The following MMP2 variants were observed in gnomAD, a reference collection of about 807,000 sequenced individuals.
The protein encoded by MMP2 is 72 kDa type IV collagenase.
In MMP2, 39 loss-of-function variants were observed where a neutral mutation model predicts 74.8. The observed-to-expected ratio is 0.52, with a 90% CI of 0.40 to 0.68. The LOEUF (loss-of-function observed/expected upper bound fraction) is 0.68, where lower values mean the gene tolerates loss of function less well. Among genes scored for constraint, MMP2 ranks in the 30% least tolerant of loss-of-function variants. The pLI is 0.00. For missense variants in MMP2, 803 were observed against 878.3 expected (o/e 0.91, Z 1.08); for synonymous variants, 367 against 339.8 (o/e 1.08, Z -0.88).
At position 55,498,204 on chromosome 16, in the gene MMP2, G is replaced by T. The variant is rs1311607277; in HGVS notation, c.1610-85G>T. ...CTCTGTTGGGAATGGCTGCAGTGGG[G>T]CCCGTGGACAGACAGATGATGGGAG... On this transcript the variant is annotated intron_variant, in intron 10 of 12. Transcript: ENST00000219070. 7 of 1,558,834 alleles carry T rather than the reference G, an allele frequency of 4.5e-6. No homozygotes were observed. In the East Asian group the frequency reaches 1.6e-4, roughly 35 times the overall value.
chr16:55,492,671 T>G (rs1226482621), intron 8 of MMP2, among the ~76,000 whole-genome samples: 1 of 152,104 alleles, frequency 6.6e-6, no homozygotes, highest in African/African-American at 2.4e-5. Context: ...GCCTCTGCCC[T>G]TCACTAGCTG....
In MMP2 at chr16:55,488,643, G is replaced by A. The variant is rs776717466; in HGVS notation, c.933G>A (p.Thr311=). 2.4e-5 allele frequency: 38 copies of A among 1,613,708 alleles called. No individual in the cohort carries two copies. Among genetic ancestry groups the A allele is most frequent in the South Asian group, 1.8e-4 (16 of 90,994 alleles). ...SYDSCTTEGR[T]DGYRWCGTTE... ...ACAGCTGCACCACTGAGGGCCGCAC[G>A]GATGGCTACCGCTGGTGCGGCACCA... The change falls in exon 6 of 13, where the codon ACG becomes ACA. Residue 311 remains threonine (T), a synonymous_variant. Coordinates refer to ENST00000219070, the MANE Select transcript of MMP2 (RefSeq NM_004530.6).
rs1380487733 is a variant in MMP2 at position 55,479,599 on chromosome 16, T to C, written c.120T>C (p.Asp40=). Residue 40 remains aspartate (D), a synonymous_variant, in exon 1 of 13, where the codon GAT becomes GAC. Transcript: ENST00000219070. ...CGCCCATCATCAAGTTCCCCGGCGA[T>C]GTCGCCCCCAAAACGGACAAAGAGT... is the stretch of plus-strand genomic sequence containing the variant. ...APSPIIKFPG[D]VAPKTDKELA... 1 of 1,613,628 alleles carries C rather than the reference T, an allele frequency of 6.2e-7. No homozygotes were observed. Among genetic ancestry groups the C allele is most frequent in the Non-Finnish European group, 8.5e-7 (1 of 1,179,996 alleles).
At chr16:55,495,787 A>G (rs2142364313) in intron 9 of MMP2, among the ~76,000 whole-genome samples, 1 of 152,288 alleles carries the variant, frequency 6.6e-6, no homozygotes. Flanking sequence ...AGGGTCAGTG[A>G]CTTGATGTCT....
chr16:55,479,498 C>G lies in MMP2; in HGVS notation c.19C>G (p.Arg7Gly). The change falls in exon 1 of 13, where the codon CGG becomes GGG. Residue 7 changes from arginine (R) to glycine (G), a missense_variant. By Grantham distance (125) the Arg-to-Gly change is moderately radical. Transcript: ENST00000219070. ...CGCTACGATGGAGGCGCTAATGGCC[C>G]GGGGCGCGCTCACGGGTCCCCTGAG... The part of the protein sequence containing the change: MEALMA[R>G]GALTGPLRAL... 6.3e-7 allele frequency: 1 copy of G among 1,588,886 alleles called. No individual in the cohort carries two copies. The highest frequency in any genetic ancestry group is 8.6e-7 in the Non-Finnish European group (1 of 1,168,168).
intron 9 of MMP2, among the ~76,000 whole-genome samples, chr16:55,494,508 C>A (rs1484790505): frequency 3.3e-5 from 5 of 152,094 alleles, no homozygotes; most frequent in African/African-American, 9.7e-5. Context: ...GTTCTCGGGA[C>A]AGTGGGGTGG....
intron 12 of MMP2, among the ~76,000 whole-genome samples, chr16:55,503,226 T>C (rs1321967918): frequency 6.6e-6 from 1 of 152,204 alleles, no homozygotes; most frequent in Non-Finnish European, 1.5e-5. Context: ...CATTTGCGTT[T>C]TGCAGGAGGC....
rs760625271 is a variant in MMP2, at chr16:55,498,378, C to A, written c.1699C>A (p.Arg567=). The A allele has an allele frequency of 3.1e-6, 5 of 1,614,116 alleles. No homozygotes were observed. The African/African-American group carries it at 6.7e-5, about 22-fold the overall frequency. Reference sequence around the variant, plus strand: ...CCTGGGACTGCCCCCTGATGTCCAGCGAGTGGATGCCGCCTTTAACTGGAG... The same window carrying A: ...CCTGGGACTGCCCCCTGATGTCCAGAGAGTGGATGCCGCCTTTAACTGGAG... ...TSLGLPPDVQ[R]VDAAFNWSKN... is the part of the protein sequence containing the mutation. Residue 567 remains arginine (R), a synonymous_variant, in exon 11 of 13, where the codon CGA becomes AGA. Transcript: ENST00000219070.
chr16:55,486,350 T>TGTGCGC (rs1567375082), intron 5 of MMP2, among the ~76,000 whole-genome samples: 1 of 55,090 alleles, frequency 1.8e-5, no homozygotes, highest in African/African-American at 6.1e-5. Flanking sequence ...TGTGTGCCTG[T>TGTGCGC]GTGTGTGTGT....
At chr16:55,480,940 T>C (rs1418830707) in intron 1 of MMP2, among the ~76,000 whole-genome samples, 6 of 152,088 alleles carry the variant, frequency 3.9e-5, no homozygotes, top group African/African-American at 9.7e-5. Context: ...AGAGTGGAGC[T>C]TTGGGACAAT....
chr16:55,504,898 C>T (rs979624516), intron 12 of MMP2, among the ~76,000 whole-genome samples: 9 of 152,056 alleles, frequency 5.9e-5, no homozygotes, highest in East Asian at 1.9e-4. Flanking sequence ...GTGATCTGCC[C>T]GTCTCGGCCT....
intron 3 of MMP2, 64 bp from the exon 4 acceptor site, chr16:55,485,235 G>A (rs1478879618): frequency 1.3e-6 from 2 of 1,510,976 alleles, no homozygotes; most frequent in Non-Finnish European, 1.8e-6. Context: ...ATGTAGATGG[G>A]GTGTGGAGGG....
chr16:55,490,362 CAG>C (rs1962375438), intron 7 of MMP2, among the ~76,000 whole-genome samples: 1 of 152,212 alleles, frequency 6.6e-6, no homozygotes, highest in Non-Finnish European at 1.5e-5. Flanking sequence ...CCCCATCAGT[CAG>C]CACCATCTGT....
chr16:55,483,178 G>A, intron 2 of MMP2, 43 bp downstream of exon 2: 2 of 1,516,722 alleles, frequency 1.3e-6, no homozygotes, highest in South Asian at 1.2e-5. Flanking sequence ...TGGGGCTGAG[G>A]GACACGAGTC....
chr16:55,500,018 C>T (rs574280380), intron 11 of MMP2, among the ~76,000 whole-genome samples: 1 of 152,232 alleles, frequency 6.6e-6, no homozygotes, highest in South Asian at 2.1e-4. Flanking sequence ...CCCTCCTCCC[C>T]ACTACTCTGC....
intron 6 of MMP2, 29 bp from the exon 7 acceptor site, chr16:55,489,622 C>T (rs763988437): frequency 2.6e-5 from 42 of 1,612,672 alleles, no homozygotes; most frequent in East Asian, 8.9e-5. Flanking sequence ...CTCTTTGCTG[C>T]GCCTTGACCC....
chr16:55,498,076 C>T (rs1207348963), intron 10 of MMP2, among the ~76,000 whole-genome samples: 1 of 152,188 alleles, frequency 6.6e-6, no homozygotes, highest in Non-Finnish European at 1.5e-5. Context: ...ATTTATCCCC[C>T]AACTCATGTC....
chr16:55,489,333 C>G (rs17859911), intron 6 of MMP2, among the ~76,000 whole-genome samples: 185 of 152,348 alleles, frequency 1.2e-3, no homozygotes, highest in South Asian at 3.3e-3. Flanking sequence ...CCCATCTGCC[C>G]CCTTCCATGG....
At chr16:55,486,772 A>G (rs956500668) in intron 5 of MMP2, 1 of 152,182 alleles carries the variant, frequency 6.6e-6, no homozygotes, top group African/African-American at 2.4e-5. Flanking sequence ...TTTTAACACT[A>G]TCTTCTTTCC....
Sources: gnomAD v4.1 joint callset for allele counts (sites outside exome capture counted in the v4.1 genomes callset) on GRCh38, gnomAD v4.1.1 for gene constraint, MANE v1.5 for transcripts, NCBI Gene and HGNC (gene_info 2026-07-23, HGNC 2026-07-21) for gene names.